The following TBC1D2 variants were observed in gnomAD, a reference collection of about 807,000 sequenced individuals.
TBC1D2 encodes the protein TBC1 domain family member 2A.
A neutral mutation model predicts 91.1 loss-of-function variants in TBC1D2; 58 were observed. The ratio of observed to expected loss-of-function variants is 0.64; its 90% CI spans 0.52 to 0.79. The LOEUF (loss-of-function observed/expected upper bound fraction) is 0.79. Ranked by LOEUF, TBC1D2 falls within the 30% of genes least tolerant of loss-of-function variation. The pLI, the probability that TBC1D2 is intolerant of heterozygous loss-of-function variation, is 0.00. For missense variants in TBC1D2, 1,080 were observed against 1,208.3 expected (o/e 0.89, Z 1.57); for synonymous variants, 482 against 511.5 (o/e 0.94, Z 0.78).
chr9:98,221,545 G>A (rs989591054), intron 5 of TBC1D2, among the ~76,000 whole-genome samples: 1 of 152,128 alleles, frequency 6.6e-6, no homozygotes, highest in African/African-American at 2.4e-5. Context: ...CTAGATACAC[G>A]CTCCTCTGGT....
intron 6 of TBC1D2, among the ~76,000 whole-genome samples, chr9:98,218,061 G>A (rs1040272644): frequency 5.3e-5 from 8 of 151,770 alleles, no homozygotes; most frequent in Admixed American, 1.3e-4. Flanking sequence ...ATGTTTCCCC[G>A]GCTTGTCTCT....
intron 2 of TBC1D2, among the ~76,000 whole-genome samples, chr9:98,244,536 G>T (rs1345465264): frequency 6.6e-6 from 1 of 151,868 alleles, no homozygotes; most frequent in Non-Finnish European, 1.5e-5. Context: ...GCGCATTCTT[G>T]CAATCCCAGC....
At chr9:98,235,673 T>C (rs1031131901) in intron 3 of TBC1D2, 7 of 291,080 alleles carry the variant, frequency 2.4e-5, no homozygotes, top group Non-Finnish European at 4.1e-5. Context: ...CCCAATAAAT[T>C]GTCTTTTTCA....
At chr9:98,243,630 G>C (rs2131281364) in intron 3 of TBC1D2, among the ~76,000 whole-genome samples, 1 of 149,990 alleles carries the variant, frequency 6.7e-6, no homozygotes, top group African/African-American at 2.5e-5. Flanking sequence ...TCTGCCTCCT[G>C]GGTTCAAGCG....
At chr9:98,242,327 G>A (rs1260791164) in intron 3 of TBC1D2, among the ~76,000 whole-genome samples, 1 of 151,970 alleles carries the variant, frequency 6.6e-6, no homozygotes, top group Non-Finnish European at 1.5e-5. Flanking sequence ...TGTAATCCTA[G>A]CTGCTATGGA....
In TBC1D2 at chr9:98,255,346, A is replaced by G; in HGVS notation, c.196T>C (p.Ser66Pro). 1 of 1,614,220 alleles carries G rather than the reference A, an allele frequency of 6.2e-7. No homozygotes were observed. The highest frequency in any genetic ancestry group is 8.5e-7 in the Non-Finnish European group (1 of 1,180,026). The change falls in exon 1 of 13, where the codon TCC becomes CCC. Residue 66 changes from serine (S) to proline (P), a missense_variant. Physicochemically the swap from Ser to Pro is moderately conservative, Grantham distance 74. Transcript: ENST00000465784. ...GGKGPIRGWK[S>P]RWFFYDERKC... ...CTTTCGTCGTAGAAGAACCAGCGGGATTTCCAGCCCCGGATGGGCCCTTTG... is the reference window on the plus strand; with the variant it reads ...CTTTCGTCGTAGAAGAACCAGCGGGGTTTCCAGCCCCGGATGGGCCCTTTG...
rs1373133176 is a variant in TBC1D2, at chr9:98,209,069, C to T, written c.1749G>A (p.Gln583=). Residue 583 remains glutamine (Q), a synonymous_variant, in exon 9 of 13, where the codon CAG becomes CAA. Coordinates refer to ENST00000465784, the MANE Select transcript of TBC1D2 (RefSeq NM_001267571.2). ...VEDLKLLAKI[Q]ALESRSHHLL... Reference sequence around the variant, plus strand: ...GGTGGTGGGATCGTGACTCCAATGCCTGGATCTTGGCCAGCAGCTTCAGGT... The same window carrying T: ...GGTGGTGGGATCGTGACTCCAATGCTTGGATCTTGGCCAGCAGCTTCAGGT... 1.9e-5 allele frequency: 30 copies of T among 1,614,220 alleles called. No individual in the cohort carries two copies. Among genetic ancestry groups the T allele is most frequent in the Non-Finnish European group, 2.5e-5 (29 of 1,180,044 alleles).
chr9:98,236,194 A>G (rs963327242), intron 3 of TBC1D2, among the ~76,000 whole-genome samples: 2 of 152,054 alleles, frequency 1.3e-5, no homozygotes, highest in Admixed American at 1.3e-4. Context: ...AGAAGATTGC[A>G]TATTTCCATC....
intron 12 of TBC1D2, among the ~76,000 whole-genome samples, 154 bp downstream of exon 12, chr9:98,200,099 T>C (rs1828445620): frequency 6.6e-6 from 1 of 152,104 alleles, no homozygotes; most frequent in Non-Finnish European, 1.5e-5. Flanking sequence ...GACATATCAC[T>C]CAGACAGTCA....
intron 3 of TBC1D2, among the ~76,000 whole-genome samples, chr9:98,237,422 A>G (rs1021226762): frequency 6.6e-6 from 1 of 151,714 alleles, no homozygotes; most frequent in Non-Finnish European, 1.5e-5. Flanking sequence ...CACCCCACTT[A>G]GTGCACCTTG....
chr9:98,227,951 CAGAAA>C (rs1348749963), intron 5 of TBC1D2, among the ~76,000 whole-genome samples: 2 of 152,008 alleles, frequency 1.3e-5, no homozygotes, highest in African/African-American at 2.4e-5. Flanking sequence ...CAAAATAGGG[CAGAAA>C]AGAAAAGAAG....
intron 8 of TBC1D2, among the ~76,000 whole-genome samples, chr9:98,209,737 CTTT>C: frequency 1.8e-4 from 26 of 144,502 alleles, no homozygotes; most frequent in Non-Finnish European, 3.3e-4. Context: ...TTCCTTCCTT[CTTT>C]CCTTTCCTTC....
rs578041947 is a variant in TBC1D2, at chr9:98,228,689, C to A, written c.978+263G>T. Reference sequence around the variant, plus strand: ...GGTAGGGGGTGAGACCATGCATGGCCCTCCAGGAGGGGTCCAAGAGACAGT... The same window carrying A: ...GGTAGGGGGTGAGACCATGCATGGCACTCCAGGAGGGGTCCAAGAGACAGT... On this transcript the variant is annotated intron_variant, in intron 5 of 12. Coordinates refer to ENST00000465784, the MANE Select transcript of TBC1D2 (RefSeq NM_001267571.2). The surrounding 1 kb of genome is among the most constrained non-coding windows in gnomAD (Gnocchi z 4.0). Among the ~76,000 whole-genome samples, 1 of 152,174 alleles carries A rather than the reference C, an allele frequency of 6.6e-6. No individual in the cohort carries two copies.
intron 1 of TBC1D2, among the ~76,000 whole-genome samples, chr9:98,252,928 G>A (rs1200514995): frequency 6.6e-6 from 1 of 152,150 alleles, no homozygotes. Flanking sequence ...GTCTGTGAAA[G>A]TGACCCTCAG....
chr9:98,220,953 G>C lies in TBC1D2; in HGVS notation c.1254C>G (p.Ile418Met). ...MDKNHAKQQVICKLSEKVTQD... is the reference protein window; with the variant it reads ...MDKNHAKQQVMCKLSEKVTQD... The stretch of plus-strand genomic sequence containing the variant: ...GGGTGACCTTCTCAGAGAGCTTGCA[G>C]ATGACCTGCTGCTTGGCGTGGTTCT... Residue 418 changes from isoleucine to methionine, a missense_variant, in exon 6 of 13, where the codon ATC (isoleucine) becomes ATG (methionine). Physicochemically the swap from Ile to Met is conservative, Grantham distance 10 (BLOSUM62 1). Transcript: ENST00000465784. The C allele has an allele frequency of 6.2e-7, 1 of 1,614,214 alleles. No homozygotes were observed. The highest frequency in any genetic ancestry group is 8.5e-7 in the Non-Finnish European group (1 of 1,180,034).
At chr9:98,236,286 C>T (rs1588056575) in intron 3 of TBC1D2, among the ~76,000 whole-genome samples, 1 of 152,016 alleles carries the variant, frequency 6.6e-6, no homozygotes. Context: ...TGCAATGGCA[C>T]GATCTCGGCT....
rs61756706 is a variant in TBC1D2, at chr9:98,200,330, C to T, written c.2502G>A (p.Lys834=). 1,358 of 1,613,106 alleles carry T rather than the reference C, an allele frequency of 8.4e-4. 15 individuals are homozygous for T. In the African/African-American group the frequency reaches 0.016, roughly 19 times the overall value. ...YALAIFKYNE[K]EILRLQNGLE... is the part of the protein sequence containing the mutation. ...GGCCATTCTGTAGCCTCAAGATCTCCTTCTCGTTGTACTTGAAAATGGCCA... is the reference window on the plus strand; with the variant it reads ...GGCCATTCTGTAGCCTCAAGATCTCTTTCTCGTTGTACTTGAAAATGGCCA... The change falls in exon 12 of 13, where the codon AAG becomes AAA. Residue 834 remains lysine, a synonymous_variant. Coordinates refer to ENST00000465784, the MANE Select transcript of TBC1D2 (RefSeq NM_001267571.2).
Position 98,229,016 on chromosome 9 carries a change from T to C in TBC1D2, c.914A>G (p.Gln305Arg), listed in dbSNP as rs371664867. 2.5e-6 allele frequency: 4 copies of C among 1,614,094 alleles called. No homozygotes were observed. The highest frequency in any genetic ancestry group is 3.4e-6 in the Non-Finnish European group (4 of 1,180,042). The change falls in exon 5 of 13, where the codon CAG becomes CGG. Residue 305 changes from glutamine (Q) to arginine (R), a missense_variant. Gln to Arg is a conservative substitution (Grantham distance 43, BLOSUM62 1). Coordinates refer to ENST00000465784, the MANE Select transcript of TBC1D2 (RefSeq NM_001267571.2). ...SEGITRNRTA[Q>R]EKVAALEQQV... ...TTGCTCCAAGGCTGCCACTTTCTCC[T>C]GGGCAGTTCGGTTCCGTGTGATTCC...
intron 4 of TBC1D2, among the ~76,000 whole-genome samples, chr9:98,231,424 T>A (rs1829367563): frequency 6.6e-6 from 1 of 152,068 alleles, no homozygotes. Flanking sequence ...TTCCTCCATT[T>A]AAAAATCTGA....
Sources: allele counts gnomAD v4.1 joint callset (sites outside exome capture counted in the v4.1 genomes callset), GRCh38; gene constraint gnomAD v4.1.1; non-coding constraint Gnocchi (gnomAD v3.1); transcripts MANE v1.5; gene names NCBI Gene and HGNC (gene_info 2026-07-23, HGNC 2026-07-21).